Variants in RPGRIP1 observed in about 807,000 individuals in gnomAD.
RPGRIP1 encodes RPGR interacting protein 1, also known as X-linked retinitis pigmentosa GTPase regulator-interacting protein 1.
A neutral mutation model predicts 157.9 loss-of-function variants in RPGRIP1; 128 were observed. That is an observed-to-expected ratio of 0.81 (90% CI 0.70 to 0.94). RPGRIP1 has a LOEUF of 0.94. RPGRIP1 is among the 40% of genes least tolerant of loss of function. The probability of loss-of-function intolerance (pLI) is 0.00; values close to 1 mark genes in which losing one functional copy is unlikely to be tolerated. For missense variants in RPGRIP1, 1,486 were observed against 1,545.8 expected, an observed-to-expected ratio of 0.96 and a Z score of 0.65; for synonymous variants, 554 against 571.6, an observed-to-expected ratio of 0.97 and a Z score of 0.44.
chr14:21,329,147 C>CA (rs527281874), intron 19 of RPGRIP1, among the ~76,000 whole-genome samples: 9,178 of 74,020 alleles, frequency 0.12, 666 homozygotes, highest in African/African-American at 0.26. Flanking sequence ...TCCATCTCAC[C>CA]AAAAAAAAAA....
At chr14:21,350,783 G>A (rs1886181425) in intron 24 of RPGRIP1, among the ~76,000 whole-genome samples, 1 of 152,130 alleles carries the variant, frequency 6.6e-6, no homozygotes, top group South Asian at 2.1e-4. Context: ...TCCTAAACAT[G>A]CTATGTTCTT....
chr14:21,325,171 T>C, intron 15 of RPGRIP1, 61 bp from the exon 16 acceptor site: 1 of 1,548,550 alleles, frequency 6.5e-7, no homozygotes. Context: ...TCCTTTGTCT[T>C]GTTCTTGATC....
chr14:21,297,207 G>A (rs1322995688), intron 3 of RPGRIP1, among the ~76,000 whole-genome samples: 1 of 152,070 alleles, frequency 6.6e-6, no homozygotes, highest in Non-Finnish European at 1.5e-5. Flanking sequence ...TGATTCTCCT[G>A]CCTCAGCCTC....
At chr14:21,335,782 G>A (rs980098351) in intron 21 of RPGRIP1, among the ~76,000 whole-genome samples, 10 of 149,076 alleles carry the variant, frequency 6.7e-5, no homozygotes, top group African/African-American at 2.6e-4. Context: ...ACTCCAGCCT[G>A]GGCGACAGAG....
At chr14:21,317,947 T>C (rs1178128725) in intron 11 of RPGRIP1, 97 bp downstream of exon 11, 8 of 1,018,096 alleles carry the variant, frequency 7.9e-6, no homozygotes, top group Non-Finnish European at 1.2e-5. Context: ...ATCCCCTCAC[T>C]TGATCCTATT....
At position 21,325,051 on chromosome 14, in the gene RPGRIP1, T is replaced by C; in HGVS notation, c.2196T>C (p.His732=). The C allele has an allele frequency of 6.2e-7, 1 of 1,610,788 alleles. No homozygotes were observed. Among genetic ancestry groups the C allele is most frequent in the South Asian group, 1.1e-5 (1 of 91,000 alleles). ...TGCTAGAGACTGTGGAGAAAGTCCA[T>C]GGCTTGGCCACACTGATTGGTAAGT... ...DRVLETVEKV[H]GLATLIGAGG... Residue 732 remains histidine, a synonymous_variant, in exon 15 of 25, where the codon CAT becomes CAC. Coordinates refer to ENST00000400017, the MANE Select transcript of RPGRIP1 (RefSeq NM_020366.4).
intron 2 of RPGRIP1, among the ~76,000 whole-genome samples, chr14:21,290,800 C>T (rs79946294): frequency 0.19 from 26,409 of 141,394 alleles, 2,771 homozygotes; most frequent in East Asian, 0.3. Flanking sequence ...GCCTGGGCGA[C>T]AGAGTGAGAC....
intron 21 of RPGRIP1, among the ~76,000 whole-genome samples, chr14:21,339,395 G>T (rs1397815766): frequency 6.6e-6 from 1 of 151,304 alleles, no homozygotes; most frequent in Non-Finnish European, 1.5e-5. Flanking sequence ...GCAGTGAGCC[G>T]AGATGGTTCC....
At chr14:21,303,712 C>T (rs1328157241) in intron 6 of RPGRIP1, among the ~76,000 whole-genome samples, 169 bp downstream of exon 6, 1 of 152,148 alleles carries the variant, frequency 6.6e-6, no homozygotes, top group Non-Finnish European at 1.5e-5. Flanking sequence ...AACCTGCGGG[C>T]ACCATGGATC....
chr14:21,298,345 C>G (rs1880881698), intron 3 of RPGRIP1, among the ~76,000 whole-genome samples: 1 of 152,014 alleles, frequency 6.6e-6, no homozygotes, highest in Admixed American at 6.6e-5. Context: ...TCTAAAAATA[C>G]AAAGATTATC....
Position 21,332,450 on chromosome 14 carries a change from T to C in RPGRIP1, c.3238+2063T>C, listed in dbSNP as rs370772121. On this transcript the variant is annotated intron_variant, in intron 20 of 24. Coordinates refer to ENST00000400017, the MANE Select transcript of RPGRIP1 (RefSeq NM_020366.4). ...AATTTACATGACTGGCAAGAAATCC[T>C]GGTTATAAGAGAACAATTCCATTCT... is the stretch of plus-strand genomic sequence containing the variant. Among the ~76,000 whole-genome samples, 61 of 152,318 alleles carry C rather than the reference T, an allele frequency of 4.0e-4. 1 individual carries two copies. The highest frequency in any genetic ancestry group is 1.4e-3 in the African/African-American group (57 of 41,580).
intron 11 of RPGRIP1, among the ~76,000 whole-genome samples, chr14:21,318,603 G>A (rs1024709424): frequency 1.3e-5 from 2 of 151,908 alleles, no homozygotes; most frequent in Non-Finnish European, 2.9e-5. Flanking sequence ...AGCCTCCCGA[G>A]TTGCTGGGAT....
At chr14:21,291,082 A>G (rs1297386818) in intron 2 of RPGRIP1, among the ~76,000 whole-genome samples, 1 of 151,576 alleles carries the variant, frequency 6.6e-6, no homozygotes, top group Non-Finnish European at 1.5e-5. Context: ...ACCATTTTTC[A>G]TATGCTTATT....
In RPGRIP1 at chr14:21,303,324, T is replaced by C; in HGVS notation, c.588-7T>C. 6.2e-7 allele frequency: 1 copy of C among 1,602,132 alleles called. No individual in the cohort carries two copies. The highest frequency in any genetic ancestry group is 8.5e-7 in the Non-Finnish European group (1 of 1,171,198). ...CAACAGTTTCTAAGTATCCTTTTTG[T>C]ATTTAGTGTTTCTGGTTCTAACAGC... On this transcript the variant is annotated splice_region_variant and splice_polypyrimidine_tract_variant and intron_variant, in intron 5 of 24. Coordinates refer to ENST00000400017, the MANE Select transcript of RPGRIP1 (RefSeq NM_020366.4).
intron 9 of RPGRIP1, 110 bp from the exon 10 acceptor site, chr14:21,312,323 A>G: frequency 1.5e-6 from 1 of 676,266 alleles, no homozygotes; most frequent in South Asian, 2.1e-5. Flanking sequence ...GACACTGGAG[A>G]TGGTGATAGA....
chr14:21,320,595 CTTTTT>C (rs34911429), intron 12 of RPGRIP1, among the ~76,000 whole-genome samples: 8 of 95,168 alleles, frequency 8.4e-5, no homozygotes, highest in Non-Finnish European at 2.0e-5. Context: ...CCGGCCCACT[CTTTTT>C]TTTTTTTTTT....
Position 21,318,039 on chromosome 14 carries a change from C to T in RPGRIP1, c.1306+189C>T, listed in dbSNP as rs1594192803. 5.7e-6 allele frequency: 4 copies of T among 700,722 alleles called. No individual in the cohort carries two copies. In the East Asian group the frequency reaches 8.1e-5, roughly 14 times the overall value. 43.4% of individuals were successfully genotyped at this position (700,722 alleles called of 1,614,324 possible). On this transcript the variant is annotated intron_variant, in intron 11 of 24. Coordinates refer to ENST00000400017, the MANE Select transcript of RPGRIP1 (RefSeq NM_020366.4). Reference sequence around the variant, plus strand: ...ATCAGGAAAACATGACACTTACCTACCTCTCATGTATACTTTTTCCTATAT... The same window carrying T: ...ATCAGGAAAACATGACACTTACCTATCTCTCATGTATACTTTTTCCTATAT...
rs1346141644 is a variant in RPGRIP1 at position 21,334,700 on chromosome 14, A to G, written c.3334A>G (p.Lys1112Glu). 2 of 1,585,036 alleles carry G rather than the reference A, an allele frequency of 1.3e-6. No individual in the cohort carries two copies. The highest frequency in any genetic ancestry group is 1.7e-6 in the Non-Finnish European group (2 of 1,159,396). The change falls in exon 21 of 25, where the codon AAG (lysine) becomes GAG (glutamate). Residue 1112 changes from lysine (K) to glutamate (E), a missense_variant. Coordinates refer to ENST00000400017, the MANE Select transcript of RPGRIP1 (RefSeq NM_020366.4). ...IVPPMSQKYP[K>E]ADSEKMCIEI... The stretch of plus-strand genomic sequence containing the variant: ...GCCACCCATGTCTCAGAAATATCCT[A>G]AGGCAGTAAGTACACTGGAGTAATC...
At chr14:21,326,553 A>G (rs1441479534) in intron 17 of RPGRIP1, among the ~76,000 whole-genome samples, 1 of 152,072 alleles carries the variant, frequency 6.6e-6, no homozygotes, top group Non-Finnish European at 1.5e-5. Flanking sequence ...TATTTTTAGT[A>G]GAGATGGGAT....
Sources: gnomAD v4.1 joint callset for allele counts (sites outside exome capture counted in the v4.1 genomes callset) on GRCh38, gnomAD v4.1.1 for gene constraint, MANE v1.5 for transcripts, NCBI Gene and HGNC (gene_info 2026-07-23, HGNC 2026-07-21) for gene names.